The following ATP13A4 variants were observed in gnomAD, a reference collection of about 807,000 sequenced individuals.
The protein encoded by ATP13A4 is ATPase 13A4, also known as probable cation-transporting ATPase 13A4.
A neutral mutation model predicts 142.5 loss-of-function variants in ATP13A4; 114 were observed. The observed-to-expected ratio is 0.80, with a 90% CI of 0.69 to 0.93. The LOEUF is 0.93. Among genes scored for constraint, ATP13A4 ranks in the 40% least tolerant of loss-of-function variants. The probability of loss-of-function intolerance (pLI) is 0.00; values close to 1 mark genes in which losing one functional copy is unlikely to be tolerated. For synonymous variants in ATP13A4, 488 were observed against 514.8 expected (o/e 0.95, Z 0.70); for missense variants, 1,392 against 1,454.0 (o/e 0.96, Z 0.69).
rs756088872 is a variant in ATP13A4 at position 193,407,397 on chromosome 3, G to A, written c.3298-4C>T. 3 of 1,610,262 alleles carry A rather than the reference G, an allele frequency of 1.9e-6. No individual in the cohort carries two copies. In the South Asian group the frequency reaches 3.3e-5, roughly 18 times the overall value. ...ACAGGACGGGAGTGCAGAGCAGCTG[G>A]CGGGAGATGATGAAGCACAGTTAGT... On this transcript the variant is annotated splice_region_variant and splice_polypyrimidine_tract_variant and intron_variant, in intron 28 of 29. Transcript: ENST00000342695.
At chr3:193,462,904 G>A (rs559479339) in intron 12 of ATP13A4, 81 bp from the exon 13 acceptor site, 4 of 1,391,854 alleles carry the variant, frequency 2.9e-6, no homozygotes, top group Admixed American at 3.5e-5. Flanking sequence ...CAGCACTACG[G>A]GAGGCGGAGG....
At chr3:193,504,886 T>C (rs1720774747) in intron 2 of ATP13A4, among the ~76,000 whole-genome samples, 1 of 152,174 alleles carries the variant, frequency 6.6e-6, no homozygotes, top group Non-Finnish European at 1.5e-5. Flanking sequence ...ACAACTTTCA[T>C]ATGTTTACCT....
At chr3:193,522,059 G>A (rs780951672) in intron 1 of ATP13A4, among the ~76,000 whole-genome samples, 2 of 152,224 alleles carry the variant, frequency 1.3e-5, no homozygotes, top group Non-Finnish European at 2.9e-5. Context: ...GAAAGTTAGT[G>A]ACAGAGGCCA....
At chr3:193,509,437 T>C (rs1389957470) in intron 2 of ATP13A4, among the ~76,000 whole-genome samples, 1 of 152,164 alleles carries the variant, frequency 6.6e-6, no homozygotes, top group African/African-American at 2.4e-5. Context: ...CAATGTGTGC[T>C]CCTCAAATGT....
At chr3:193,410,818 G>C (rs927615962) in intron 28 of ATP13A4, among the ~76,000 whole-genome samples, 164 bp downstream of exon 28, 7 of 152,082 alleles carry the variant, frequency 4.6e-5, no homozygotes, top group African/African-American at 1.4e-4. Context: ...TTCTTGACCA[G>C]TTTAAATAAA....
chr3:193,579,643 G>A (rs80158203), intron 2 of ATP13A4, among the ~76,000 whole-genome samples: 8,669 of 152,178 alleles, frequency 0.057, 302 homozygotes, highest in Admixed American at 0.086. Context: ...CCTACAGGAT[G>A]TGGGGAGAAA....
chr3:193,439,451 T>G (rs1716496685), intron 21 of ATP13A4, among the ~76,000 whole-genome samples: 1 of 152,186 alleles, frequency 6.6e-6, no homozygotes, highest in Non-Finnish European at 1.5e-5. Context: ...ATTCCCATCA[T>G]TATTATTATT....
At chr3:193,469,982 T>C (rs1188971091) in intron 9 of ATP13A4, among the ~76,000 whole-genome samples, 1 of 152,126 alleles carries the variant, frequency 6.6e-6, no homozygotes, top group African/African-American at 2.4e-5. Context: ...GACACATCTA[T>C]TCTTTGTAAG....
intron 1 of ATP13A4, among the ~76,000 whole-genome samples, chr3:193,522,896 G>A (rs1560254557): frequency 6.6e-6 from 1 of 152,146 alleles, no homozygotes. Flanking sequence ...TTCTGATGAT[G>A]TCTTTAGTAT....
At chr3:193,571,916 T>C (rs1368644175) in intron 2 of ATP13A4, among the ~76,000 whole-genome samples, 2 of 152,152 alleles carry the variant, frequency 1.3e-5, no homozygotes, top group African/African-American at 2.4e-5. Flanking sequence ...AGTTATGGAC[T>C]TTAGACTTTA....
chr3:193,404,661 TC>T (rs1714404745), intron 29 of ATP13A4, among the ~76,000 whole-genome samples: 1 of 152,110 alleles, frequency 6.6e-6, no homozygotes, highest in Non-Finnish European at 1.5e-5. Flanking sequence ...CCTGCCTGCT[TC>T]CCCTTTGCTT....
chr3:193,592,148 C>A (rs1478719775), intron 1 of ATP13A4, among the ~76,000 whole-genome samples: 4 of 91,420 alleles, frequency 4.4e-5, no homozygotes, highest in African/African-American at 1.9e-4. Flanking sequence ...GGGTGGGGGG[C>A]GGGTAGTGGG....
chr3:193,529,869 C>A (rs1038454590), intron 1 of ATP13A4, among the ~76,000 whole-genome samples: 8 of 152,148 alleles, frequency 5.3e-5, no homozygotes, highest in Non-Finnish European at 1.2e-4. Context: ...TAGCACAGTG[C>A]TTTGAAATCT....
rs1460092580 is a variant in ATP13A4 at position 193,400,714 on chromosome 3, C to A, written c.*1938G>T. 3.2e-5 allele frequency among the ~76,000 whole-genome samples: 1 copy of A among 31,262 alleles called. No individual in the cohort carries two copies. Among genetic ancestry groups the A allele is most frequent in the Admixed American group, 3.4e-4 (1 of 2,912 alleles). The allele number at this position is 31,262 out of a possible 152,430, so 20.5% of individuals were successfully genotyped here. On this transcript the variant is annotated 3_prime_UTR_variant, in exon 30 of 30. Transcript: ENST00000342695. ...AGCCCTTCCTTGTTCAGTCATGGGACAATTGGTACCATTCAGGTGAGTTAG... is the reference window on the plus strand; with the variant it reads ...AGCCCTTCCTTGTTCAGTCATGGGAAAATTGGTACCATTCAGGTGAGTTAG...
intron 3 of ATP13A4, among the ~76,000 whole-genome samples, chr3:193,502,168 T>C (rs543972528): frequency 1.7e-4 from 26 of 152,260 alleles, no homozygotes; most frequent in Admixed American, 2.6e-4. Context: ...ATAGAGCGAG[T>C]ATGTATTGAG....
chr3:193,528,198 C>T (rs1722116530), intron 1 of ATP13A4, among the ~76,000 whole-genome samples: 1 of 152,324 alleles, frequency 6.6e-6, no homozygotes, highest in African/African-American at 2.4e-5. Flanking sequence ...ATGTCACATG[C>T]GAGAACCCCC....
At chr3:193,538,062 G>A (rs1722680977) in intron 1 of ATP13A4, among the ~76,000 whole-genome samples, 1 of 152,258 alleles carries the variant, frequency 6.6e-6, no homozygotes. Context: ...TACTAATTGT[G>A]ATACTGTACT....
At position 193,466,182 on chromosome 3, in the gene ATP13A4, C is replaced by G; in HGVS notation, c.1115G>C (p.Gly372Ala). The change falls in exon 11 of 30, where the codon GGA becomes GCA. Residue 372 changes from glycine (G) to alanine (A), a missense_variant and splice_region_variant. By Grantham distance (60) the Gly-to-Ala change is moderately conservative. Coordinates refer to ENST00000342695, the MANE Select transcript of ATP13A4 (RefSeq NM_032279.4). ...AAGGTCTCCCTTTGCAGTGTTGAAT[C>G]CTGGAACAACAAACACACACCCCAC... is the stretch of plus-strand genomic sequence containing the variant. ...GTVRAVVLQT[G>A]FNTAKGDLVR... The G allele has an allele frequency of 6.2e-7, 1 of 1,613,756 alleles. No individual in the cohort carries two copies. The highest frequency in any genetic ancestry group is 8.5e-7 in the Non-Finnish European group (1 of 1,179,826).
At chr3:193,410,388 A>C (rs1434157300) in intron 28 of ATP13A4, among the ~76,000 whole-genome samples, 1 of 152,226 alleles carries the variant, frequency 6.6e-6, no homozygotes, top group African/African-American at 2.4e-5. Context: ...GAAAATATAG[A>C]AAAACATTTT....
Sources: gnomAD v4.1 joint callset for allele counts (sites outside exome capture counted in the v4.1 genomes callset) on GRCh38, gnomAD v4.1.1 for gene constraint, MANE v1.5 for transcripts, NCBI Gene and HGNC (gene_info 2026-07-23, HGNC 2026-07-21) for gene names.